The following VTI1A variants were observed in gnomAD, a reference collection of about 807,000 sequenced individuals.
VTI1A encodes vesicle transport through interaction with t-SNAREs homolog 1A.
Under a neutral mutation model 34.9 loss-of-function variants are expected in VTI1A, and 22 were observed. The ratio of observed to expected loss-of-function variants is 0.63; its 90% CI spans 0.45 to 0.90. The LOEUF (loss-of-function observed/expected upper bound fraction) is 0.90, where lower values mean the gene tolerates loss of function less well. Among genes scored for constraint, VTI1A ranks in the 40% least tolerant of loss-of-function variants. The pLI is 0.00. For synonymous variants in VTI1A, 87 were observed against 97.3 expected, an observed-to-expected ratio of 0.89 and a Z score of 0.62; for missense variants, 268 against 275.6, an observed-to-expected ratio of 0.97 and a Z score of 0.20.
chr10:112,678,071 A>T (rs539036735), intron 7 of VTI1A, among the ~76,000 whole-genome samples: 13 of 152,352 alleles, frequency 8.5e-5, no homozygotes, highest in East Asian at 1.9e-4. Flanking sequence ...GGCTACATGT[A>T]AACATGTCCA....
intron 7 of VTI1A, among the ~76,000 whole-genome samples, chr10:112,700,133 AAACAAAAC>A (rs1273690337): frequency 2.9e-5 from 4 of 139,710 alleles, no homozygotes; most frequent in Non-Finnish European, 4.4e-5. Flanking sequence ...AAAAAAAAAA[AAACAAAAC>A]AAAAAAAAAA....
chr10:112,604,973 G>T (rs1203191049), intron 5 of VTI1A, among the ~76,000 whole-genome samples: 1 of 152,008 alleles, frequency 6.6e-6, no homozygotes, highest in Non-Finnish European at 1.5e-5. Flanking sequence ...TCTTATATAG[G>T]CCTCTTTTGA....
chr10:112,790,161 A>AG (rs934648340), intron 7 of VTI1A, among the ~76,000 whole-genome samples: 3 of 152,208 alleles, frequency 2.0e-5, no homozygotes, highest in African/African-American at 7.2e-5. Context: ...CTGGTTTCCT[A>AG]GGGGTTGCCC....
At chr10:112,583,249 A>G (rs1159468989) in intron 5 of VTI1A, among the ~76,000 whole-genome samples, 3 of 152,172 alleles carry the variant, frequency 2.0e-5, no homozygotes, top group Non-Finnish European at 2.9e-5. Flanking sequence ...CCTAGACACC[A>G]TATGTAGTTT....
chr10:112,486,844 A>G (rs1480502903), intron 3 of VTI1A, among the ~76,000 whole-genome samples: 1 of 151,880 alleles, frequency 6.6e-6, no homozygotes, highest in African/African-American at 2.4e-5. Context: ...TTTATGGCCA[A>G]TCCCTAGGCC....
At chr10:112,517,889 A>G (rs1849846010) in intron 3 of VTI1A, among the ~76,000 whole-genome samples, 1 of 152,084 alleles carries the variant, frequency 6.6e-6, no homozygotes, top group South Asian at 2.1e-4. Flanking sequence ...GGATCCTGGA[A>G]TACAAAATGA....
At chr10:112,636,728 CAAA>C (rs10667914) in intron 5 of VTI1A, among the ~76,000 whole-genome samples, 1 of 111,692 alleles carries the variant, frequency 9.0e-6, no homozygotes, top group Non-Finnish European at 1.7e-5. Context: ...GACTCGATCT[CAAA>C]AAAAAAAAAA....
chr10:112,661,256 T>G (rs1176754767), intron 5 of VTI1A, among the ~76,000 whole-genome samples: 1 of 152,206 alleles, frequency 6.6e-6, no homozygotes, highest in African/African-American at 2.4e-5. Flanking sequence ...GTGCTGAGAT[T>G]ATAGGCACAT....
At chr10:112,510,577 G>A (rs1032518451) in intron 3 of VTI1A, among the ~76,000 whole-genome samples, 14 of 152,064 alleles carry the variant, frequency 9.2e-5, no homozygotes, top group East Asian at 5.8e-4. Context: ...TTGTGGCTTC[G>A]GTGAGCTATG....
chr10:112,504,014 C>T (rs1849333755), intron 3 of VTI1A, among the ~76,000 whole-genome samples: 1 of 152,118 alleles, frequency 6.6e-6, no homozygotes, highest in Admixed American at 6.5e-5. Flanking sequence ...CAAAAGATCT[C>T]ACTGTTTTGG....
At chr10:112,738,920 C>T (rs1319718446) in intron 7 of VTI1A, among the ~76,000 whole-genome samples, 1 of 152,162 alleles carries the variant, frequency 6.6e-6, no homozygotes, top group African/African-American at 2.4e-5. Flanking sequence ...CGCATGATCC[C>T]GCAGTGAGGG....
At chr10:112,477,858 G>A in intron 3 of VTI1A, among the ~76,000 whole-genome samples, 1 of 151,812 alleles carries the variant, frequency 6.6e-6, no homozygotes, top group Non-Finnish European at 1.5e-5. Flanking sequence ...TTCTTATTTT[G>A]ACCTTTTTCT....
At chr10:112,748,027 C>T (rs963128188) in intron 7 of VTI1A, among the ~76,000 whole-genome samples, 1 of 152,084 alleles carries the variant, frequency 6.6e-6, no homozygotes, top group Non-Finnish European at 1.5e-5. Flanking sequence ...AGAATGTGTG[C>T]TCCAACCCCT....
chr10:112,466,634 T>G (rs1287859823), intron 3 of VTI1A, among the ~76,000 whole-genome samples: 1 of 152,190 alleles, frequency 6.6e-6, no homozygotes, highest in Non-Finnish European at 1.5e-5. Flanking sequence ...AGTTTCAATA[T>G]AAATGATGAA....
At chr10:112,569,394 G>A (rs1852034326) in intron 5 of VTI1A, among the ~76,000 whole-genome samples, 1 of 152,184 alleles carries the variant, frequency 6.6e-6, no homozygotes, top group South Asian at 2.1e-4. Context: ...TTGAAGGGCA[G>A]TATAAAGTCA....
intron 7 of VTI1A, among the ~76,000 whole-genome samples, chr10:112,733,825 G>A (rs563080819): frequency 2.0e-5 from 3 of 149,212 alleles, no homozygotes; most frequent in East Asian, 3.9e-4. Flanking sequence ...GTGTGATCTC[G>A]GCTCACTGCA....
At chr10:112,713,463 GGCA>G (rs1337634175) in intron 7 of VTI1A, among the ~76,000 whole-genome samples, 5 of 151,024 alleles carry the variant, frequency 3.3e-5, no homozygotes, top group African/African-American at 1.2e-4. Context: ...CTATAAGGGA[GGCA>G]TTATTATTTT....
chr10:112,814,139 T>G (rs991162728), intron 7 of VTI1A, among the ~76,000 whole-genome samples: 12 of 152,186 alleles, frequency 7.9e-5, no homozygotes, highest in African/African-American at 2.4e-4. Flanking sequence ...AAAGATTTTT[T>G]TGTGTGTGAA....
chr10:112,775,256 C>T (rs1301699834), intron 7 of VTI1A, among the ~76,000 whole-genome samples: 1 of 152,148 alleles, frequency 6.6e-6, no homozygotes, highest in East Asian at 1.9e-4. Flanking sequence ...CTTCAAAGTA[C>T]CACTGCAGTA....
Sources: allele counts gnomAD v4.1 joint callset (sites outside exome capture counted in the v4.1 genomes callset), GRCh38; gene constraint gnomAD v4.1.1; transcripts MANE v1.5; gene names NCBI Gene and HGNC (gene_info 2026-07-23, HGNC 2026-07-21).